The following CCDC149 variants were observed in gnomAD, a reference collection of about 807,000 sequenced individuals.
CCDC149 encodes the protein coiled-coil domain containing 149.
In CCDC149, 45 loss-of-function variants were observed where a neutral mutation model predicts 59.9. That is an observed-to-expected ratio of 0.75 (90% CI 0.59 to 0.96). The LOEUF (loss-of-function observed/expected upper bound fraction) is 0.96. CCDC149 is among the 40% of genes least tolerant of loss of function. The pLI is 0.00. For missense variants in CCDC149, 584 were observed against 664.7 expected, an observed-to-expected ratio of 0.88 and a Z score of 1.33; for synonymous variants, 245 against 260.6, an observed-to-expected ratio of 0.94 and a Z score of 0.58.
At chr4:24,895,069 T>C (rs966009182) in intron 1 of CCDC149, 11 of 1,475,010 alleles carry the variant, frequency 7.5e-6, no homozygotes, top group Non-Finnish European at 8.2e-6. Context: ...GTGATGATGA[T>C]GAGTTAATGA....
At chr4:24,816,864 C>T (rs1715045278) in intron 12 of CCDC149, among the ~76,000 whole-genome samples, 1 of 152,174 alleles carries the variant, frequency 6.6e-6, no homozygotes, top group South Asian at 2.1e-4. Flanking sequence ...CCCCCGCTCC[C>T]CACTGCCACT....
intron 2 of CCDC149, among the ~76,000 whole-genome samples, chr4:24,874,118 AAG>A (rs1295195476): frequency 3.3e-5 from 5 of 152,066 alleles, no homozygotes; most frequent in African/African-American, 9.7e-5. Context: ...GAGAGAGGAA[AAG>A]AGAGAGAAAG....
rs180748089 is a variant in CCDC149, at chr4:24,863,745, T to C, written c.264+9936A>G. Among the ~76,000 whole-genome samples the C allele has an allele frequency of 9.8e-5, 15 of 152,366 alleles. No individual in the cohort carries two copies. The East Asian group carries it at 2.9e-3, about 29-fold the overall frequency. On this transcript the variant is annotated intron_variant, in intron 3 of 12. Transcript: ENST00000635206. ...CTCATAGGTTATGCCCCTTCCTTAT[T>C]TGGAAATGTTATTGCTTCCTTAAAC...
At chr4:24,813,525 T>TATATATAC (rs1252452441) in intron 12 of CCDC149, among the ~76,000 whole-genome samples, 1 of 83,002 alleles carries the variant, frequency 1.2e-5, no homozygotes. Flanking sequence ...TATATATATA[T>TATATATAC]ATAAAACCTA....
At chr4:24,891,112 GATTTT>G (rs1391660407) in intron 1 of CCDC149, among the ~76,000 whole-genome samples, 29 of 152,258 alleles carry the variant, frequency 1.9e-4, no homozygotes, top group African/African-American at 6.7e-4. Flanking sequence ...CATCTTTGTC[GATTTT>G]ATTTTCTTTC....
intron 8 of CCDC149, among the ~76,000 whole-genome samples, chr4:24,832,024 TG>T (rs1262660451): frequency 2.0e-5 from 3 of 152,236 alleles, no homozygotes; most frequent in Non-Finnish European, 4.4e-5. Flanking sequence ...TTAAGAACAT[TG>T]GCTGAAGGTC....
At position 24,876,049 on chromosome 4, in the gene CCDC149, T is replaced by C. The variant is rs553468713; in HGVS notation, c.225+487A>G. Among the ~76,000 whole-genome samples, 505 of 152,204 alleles carry C rather than the reference T, an allele frequency of 3.3e-3. 5 individuals are homozygous for C. Among genetic ancestry groups the C allele is most frequent in the African/African-American group, 0.011 (470 of 41,522 alleles). On this transcript the variant is annotated intron_variant, in intron 2 of 12. Transcript: ENST00000635206. The stretch of plus-strand genomic sequence containing the variant: ...ATTCCCCTCCATCCCACCTGGGATG[T>C]GAATCACCCCTTCATCCAGGGTATC...
chr4:24,836,494 C>A lies in CCDC149; in HGVS notation c.677G>T (p.Arg226Ile). Residue 226 changes from arginine to isoleucine, a missense_variant, in exon 7 of 13, where the codon AGA (arginine) becomes ATA (isoleucine). Coordinates refer to ENST00000635206, the MANE Select transcript of CCDC149 (RefSeq NM_001330643.2). The stretch of plus-strand genomic sequence containing the variant: ...GACCTCTTCATGGAGTTGCTTTAAT[C>A]TCTCTTGAAGGTACCTGAAAAAGAA... 1 of 1,610,442 alleles carries A rather than the reference C, an allele frequency of 6.2e-7. No individual in the cohort carries two copies.
intron 1 of CCDC149, among the ~76,000 whole-genome samples, chr4:24,959,951 T>C (rs1295667988): frequency 6.6e-6 from 1 of 152,184 alleles, no homozygotes; most frequent in African/African-American, 2.4e-5. Context: ...GATGGAAATA[T>C]GGGTCTTCAA....
intron 1 of CCDC149, among the ~76,000 whole-genome samples, chr4:24,949,532 T>A (rs1170568875): frequency 6.6e-6 from 1 of 152,114 alleles, no homozygotes; most frequent in Non-Finnish European, 1.5e-5. Flanking sequence ...CTAACACCAG[T>A]GGAGCACCTC....
chr4:24,888,034 CT>C (rs1432146587), intron 1 of CCDC149, among the ~76,000 whole-genome samples: 1 of 152,158 alleles, frequency 6.6e-6, no homozygotes, highest in African/African-American at 2.4e-5. Context: ...GCTTCTGCCA[CT>C]CCCCCAGGCA....
At chr4:24,978,045 T>C (rs1351291979) in intron 1 of CCDC149, among the ~76,000 whole-genome samples, 2 of 152,140 alleles carry the variant, frequency 1.3e-5, no homozygotes, top group African/African-American at 2.4e-5. Context: ...GGCAGAAGGA[T>C]TGCTTGAACC....
At chr4:24,821,120 T>G (rs1715362911) in intron 10 of CCDC149, 33 bp from the exon 11 acceptor site, 8 of 1,213,520 alleles carry the variant, frequency 6.6e-6, no homozygotes, top group Non-Finnish European at 2.1e-6. Context: ...AAGGAAATAA[T>G]TGTTATTGCA....
chr4:24,892,171 C>T (rs1172241843), intron 1 of CCDC149, among the ~76,000 whole-genome samples: 2 of 152,146 alleles, frequency 1.3e-5, no homozygotes, highest in Non-Finnish European at 2.9e-5. Context: ...CCAAGTAAGA[C>T]CCGGGGTGTG....
At chr4:24,935,407 T>C (rs796585152) in intron 1 of CCDC149, among the ~76,000 whole-genome samples, 11 of 152,326 alleles carry the variant, frequency 7.2e-5, no homozygotes, top group African/African-American at 2.6e-4. Flanking sequence ...ATAGAGATTT[T>C]AGTTCGGCAG....
At chr4:24,846,004 G>A (rs1464487507) in intron 4 of CCDC149, among the ~76,000 whole-genome samples, 1 of 152,208 alleles carries the variant, frequency 6.6e-6, no homozygotes, top group Non-Finnish European at 1.5e-5. Flanking sequence ...ATATCTTTCA[G>A]AATCAGTTCT....
intron 2 of CCDC149, 73 bp downstream of exon 2, chr4:24,876,463 A>G (rs1312480628): frequency 6.8e-7 from 1 of 1,466,536 alleles, no homozygotes; most frequent in East Asian, 2.3e-5. Context: ...CTAAAGAAAC[A>G]GCATGTGAAA....
chr4:24,874,260 G>GTTTTTT (rs1233579287), intron 2 of CCDC149, among the ~76,000 whole-genome samples: 8 of 33,838 alleles, frequency 2.4e-4, no homozygotes, highest in African/African-American at 5.3e-4. Flanking sequence ...TTTTTTTTTT[G>GTTTTTT]TTTTGTTTTT....
At chr4:24,819,335 T>A (rs543353790) in intron 12 of CCDC149, among the ~76,000 whole-genome samples, 68 of 151,940 alleles carry the variant, frequency 4.5e-4, no homozygotes, top group Non-Finnish European at 7.2e-4. Flanking sequence ...CTTTATTTAT[T>A]TTTTGAGACG....
Sources: gnomAD v4.1 joint callset for allele counts (sites outside exome capture counted in the v4.1 genomes callset) on GRCh38, gnomAD v4.1.1 for gene constraint, MANE v1.5 for transcripts, NCBI Gene and HGNC (gene_info 2026-07-23, HGNC 2026-07-21) for gene names.